The following ZNF541 variants were observed in gnomAD, a reference collection of about 807,000 sequenced individuals.
The protein encoded by ZNF541 is zinc finger protein 541.
A neutral mutation model predicts 123.5 loss-of-function variants in ZNF541; 23 were observed. That is an observed-to-expected ratio of 0.19 (90% CI 0.13 to 0.26). The LOEUF is 0.26. Ranked by LOEUF, ZNF541 falls within the 10% of genes least tolerant of loss-of-function variation. The pLI is 1.00. For missense variants in ZNF541, 1,612 were observed against 1,789.9 expected, an observed-to-expected ratio of 0.90 and a Z score of 1.79; for synonymous variants, 751 against 754.5, an observed-to-expected ratio of 1.00 and a Z score of 0.08.
In ZNF541 at chr19:47,555,636, G is replaced by A. The variant is rs1250828457; in HGVS notation, c.221C>T (p.Thr74Ile). 1 of 1,551,694 alleles carries A rather than the reference G, an allele frequency of 6.4e-7. No individual in the cohort carries two copies. Among genetic ancestry groups the A allele is most frequent in the South Asian group, 1.2e-5 (1 of 84,064 alleles). The change falls in exon 3 of 17, where the codon ACC becomes ATC. Residue 74 changes from threonine to isoleucine, a missense_variant. Physicochemically the swap from Thr to Ile is moderately conservative, Grantham distance 89. This residue lies in a region of ZNF541 where 212 missense variants were observed against 289.6 expected (regional missense o/e 0.73). Coordinates refer to ENST00000391901, the MANE Select transcript of ZNF541 (RefSeq NM_001277075.3). ...GTCCTTCCCGGAGTACAGGGACAAG[G>A]TGTCTAAGTTGTCCTCCAGCACCTC... is the stretch of plus-strand genomic sequence containing the variant. ...SSEVLEDNLD[T>I]LSLYSGKDSD...
At chr19:47,558,396 A>T (rs565295359) in intron 2 of ZNF541, among the ~76,000 whole-genome samples, 27 of 152,042 alleles carry the variant, frequency 1.8e-4, no homozygotes, top group African/African-American at 5.8e-4. Flanking sequence ...AGCCTGGGCA[A>T]CAGAGCGAGA....
chr19:47,571,901 G>A lies in ZNF541; in HGVS notation c.-104C>T, dbSNP rs1971490390. The stretch of plus-strand genomic sequence containing the variant: ...TGCAAAGGAAGGAAACTCACCAGAA[G>A]AGCAAGTTAGTGAATCTCCAGGGAA... On this transcript the variant is annotated 5_prime_UTR_variant, in exon 2 of 17. Transcript: ENST00000391901. Among the ~76,000 whole-genome samples the A allele has an allele frequency of 6.6e-6, 1 of 152,224 alleles. No homozygotes were observed. Among genetic ancestry groups the A allele is most frequent in the African/African-American group, 2.4e-5 (1 of 41,458 alleles).
chr19:47,544,636 T>C lies in ZNF541; in HGVS notation c.1893A>G (p.Thr631=). The C allele has an allele frequency of 6.5e-7, 1 of 1,549,092 alleles. No homozygotes were observed. The highest frequency in any genetic ancestry group is 2.0e-5 in the Admixed American group (1 of 50,918). The change falls in exon 5 of 17, where the codon ACA becomes ACG. Residue 631 remains threonine, a synonymous_variant. Coordinates refer to ENST00000391901, the MANE Select transcript of ZNF541 (RefSeq NM_001277075.3). ...EGSPARRRKT[T]PGVPREASPG... The stretch of plus-strand genomic sequence containing the variant: ...GGGAGGCCTCTCTGGGAACCCCGGG[T>C]GTGGTTTTTCTCCTGCGGGCTGGGG...
intron 2 of ZNF541, among the ~76,000 whole-genome samples, chr19:47,562,955 G>A (rs540495089): frequency 1.3e-5 from 2 of 152,326 alleles, no homozygotes; most frequent in South Asian, 4.1e-4. Flanking sequence ...TTAAAGAAAT[G>A]CTTCATGACT....
chr19:47,533,860 A>C (rs574897090), intron 9 of ZNF541, among the ~76,000 whole-genome samples: 1 of 152,238 alleles, frequency 6.6e-6, no homozygotes, highest in South Asian at 2.1e-4. Context: ...AAAAATAATC[A>C]ACTGAATATT....
intron 2 of ZNF541, among the ~76,000 whole-genome samples, chr19:47,560,980 G>A (rs566307364): frequency 6.6e-6 from 1 of 151,772 alleles, no homozygotes; most frequent in South Asian, 2.1e-4. Context: ...ATTACATACC[G>A]AAAAAAAAGA....
chr19:47,542,337 A>T (rs1970117388), intron 5 of ZNF541, among the ~76,000 whole-genome samples: 1 of 152,104 alleles, frequency 6.6e-6, no homozygotes, highest in African/African-American at 2.4e-5. Context: ...AATATACTAC[A>T]AATTACCCAA....
intron 9 of ZNF541, among the ~76,000 whole-genome samples, chr19:47,537,889 A>C (rs1377425228): frequency 6.6e-6 from 1 of 152,108 alleles, no homozygotes; most frequent in Non-Finnish European, 1.5e-5. Flanking sequence ...AAGAAAAAGA[A>C]AATGACACAG....
rs766822136 is a variant in ZNF541 at position 47,544,508 on chromosome 19, G to T, written c.2021C>A (p.Ser674Tyr). ...SLDPSRNPDI[S>Y]SLAKQLRSSK... The stretch of plus-strand genomic sequence containing the variant: ...GGATCGCAGCTGCTTGGCCAGAGAA[G>T]AGATGTCTGGATTCCTGGAAGGGTC... Residue 674 changes from serine to tyrosine, a missense_variant, in exon 5 of 17, where the codon TCT becomes TAT. By Grantham distance (144) the Ser-to-Tyr change is moderately radical. Coordinates refer to ENST00000391901, the MANE Select transcript of ZNF541 (RefSeq NM_001277075.3). 1.3e-6 allele frequency: 2 copies of T among 1,551,710 alleles called. No homozygotes were observed. Among genetic ancestry groups the T allele is most frequent in the East Asian group, 4.9e-5 (2 of 40,898 alleles).
intron 3 of ZNF541, among the ~76,000 whole-genome samples, chr19:47,550,310 A>G (rs1302993324): frequency 2.0e-5 from 3 of 150,240 alleles, no homozygotes; most frequent in Non-Finnish European, 4.5e-5. Context: ...GGAAGGAAGG[A>G]AAGAGAGAGA....
chr19:47,529,298 A>C (rs1421261383), intron 13 of ZNF541, among the ~76,000 whole-genome samples: 1 of 152,172 alleles, frequency 6.6e-6, no homozygotes, highest in African/African-American at 2.4e-5. Flanking sequence ...GATGGGTTCA[A>C]CCACTGAACC....
rs1385675257 is a variant in ZNF541, at chr19:47,531,655, T to C, written c.3392A>G (p.Gln1131Arg). The part of the protein sequence containing the change: ...ELALHCLHEA[Q>R]GNVQVALETL... ...GCTGTTCCTCACCTGAACGTTGCCC[T>C]GAGCCTCGTGCAGGCAGTGCAGAGC... The change falls in exon 12 of 17, where the codon CAG (glutamine) becomes CGG (arginine). Residue 1131 changes from glutamine (Q) to arginine (R), a missense_variant. Coordinates refer to ENST00000391901, the MANE Select transcript of ZNF541 (RefSeq NM_001277075.3). The C allele has an allele frequency of 1.9e-6, 3 of 1,544,274 alleles. No homozygotes were observed. Among genetic ancestry groups the C allele is most frequent in the Non-Finnish European group, 2.6e-6 (3 of 1,141,590 alleles).
intron 12 of ZNF541, among the ~76,000 whole-genome samples, chr19:47,531,180 C>T (rs547561809): frequency 8.0e-5 from 12 of 150,090 alleles, no homozygotes; most frequent in African/African-American, 2.2e-4. Flanking sequence ...CTTCCTCTCC[C>T]GCTCCTCACA....
intron 12 of ZNF541, 119 bp from the exon 13 acceptor site, chr19:47,529,771 G>T: frequency 2.1e-6 from 2 of 970,534 alleles, no homozygotes; most frequent in Non-Finnish European, 3.1e-6. Context: ...CTGTCCCAGG[G>T]CTATTCAAAG....
intron 9 of ZNF541, among the ~76,000 whole-genome samples, chr19:47,536,543 C>CA (rs369543426): frequency 6.6e-5 from 10 of 152,118 alleles, no homozygotes; most frequent in African/African-American, 2.4e-4. Context: ...TGGCCCACCT[C>CA]AGAGTTTGAG....
At chr19:47,552,650 G>A (rs1418570428) in intron 3 of ZNF541, among the ~76,000 whole-genome samples, 2 of 144,944 alleles carry the variant, frequency 1.4e-5, no homozygotes, top group African/African-American at 2.6e-5. Context: ...GGCTGAGGCA[G>A]GAGAATGGCA....
Position 47,529,065 on chromosome 19 carries a change from G to A in ZNF541, c.3482-27C>T, listed in dbSNP as rs1317638491. The A allele has an allele frequency of 8.5e-6, 13 of 1,520,968 alleles. No individual in the cohort carries two copies. The East Asian group carries it at 2.9e-4, about 34-fold the overall frequency. The allele number at this position is 1,520,968 out of a possible 1,614,324, so 94.2% of individuals were successfully genotyped here. On this transcript the variant is annotated intron_variant, in intron 13 of 16. Transcript: ENST00000391901. The stretch of plus-strand genomic sequence containing the variant: ...TATCAAAGAACACAGCCAACAGGGG[G>A]AAGGCCATTTGTCCTGGGACCACAG...
chr19:47,534,417 G>A (rs925742619), intron 9 of ZNF541, among the ~76,000 whole-genome samples: 8 of 152,248 alleles, frequency 5.3e-5, no homozygotes, highest in African/African-American at 7.2e-5. Flanking sequence ...TTGGGAGGCC[G>A]AGGCGGGCGG....
intron 2 of ZNF541, among the ~76,000 whole-genome samples, chr19:47,569,319 T>C (rs1048504678): frequency 6.6e-6 from 1 of 152,142 alleles, no homozygotes; most frequent in African/African-American, 2.4e-5. Flanking sequence ...ACTCTTGTAA[T>C]CACTTGTATG....
Sources: gnomAD v4.1 joint callset for allele counts (sites outside exome capture counted in the v4.1 genomes callset) on GRCh38, gnomAD v4.1.1 for gene constraint, gnomAD v4.1.1 regional missense constraint, MANE v1.5 for transcripts, NCBI Gene and HGNC (gene_info 2026-07-23, HGNC 2026-07-21) for gene names.